Variants in HOXC4 observed in about 807,000 individuals in gnomAD.
HOXC4 encodes homeobox protein Hox-C4.
Under a neutral mutation model 25.5 loss-of-function variants are expected in HOXC4, and 15 were observed. The observed-to-expected ratio is 0.59, with a 90% CI of 0.39 to 0.91. HOXC4 has a LOEUF of 0.91. HOXC4 is among the 40% of genes least tolerant of loss of function. HOXC4 has a pLI of 0.00. For synonymous variants in HOXC4, 165 were observed against 148.0 expected, an observed-to-expected ratio of 1.11 and a Z score of -0.83; for missense variants, 342 against 352.4, an observed-to-expected ratio of 0.97 and a Z score of 0.24.
chr12:54,025,527 T>TGGG (rs999135770), intron 1 of HOXC4, among the ~76,000 whole-genome samples: 2 of 12,694 alleles, frequency 1.6e-4, no homozygotes, highest in South Asian at 5.4e-3. Context: ...GAAAGGTAAT[T>TGGG]GGGGGGGGGG....
intron 1 of HOXC4, chr12:54,020,582 C>T (rs1399280283): frequency 6.6e-6 from 1 of 152,158 alleles, no homozygotes; most frequent in Non-Finnish European, 1.5e-5. Flanking sequence ...CAGGCTTATG[C>T]ATGAATATAT....
intron 1 of HOXC4, among the ~76,000 whole-genome samples, chr12:54,026,485 T>G (rs1201472513): frequency 2.0e-5 from 3 of 152,186 alleles, no homozygotes; most frequent in Non-Finnish European, 4.4e-5. Context: ...AATTTAAAAA[T>G]CCTCCTCTAC....
chr12:54,017,126 C>T (rs1049192369), exon 1 of HOXC4: 1 of 152,168 alleles, frequency 6.6e-6, no homozygotes, highest in African/African-American at 2.4e-5. Context: ...CTCTGGCCCC[C>T]AAGGGGCAGG....
chr12:54,054,162 C>A lies in HOXC4; in HGVS notation c.240C>A (p.Gly80=). 6.2e-7 allele frequency: 1 copy of A among 1,613,886 alleles called. No homozygotes were observed. ...TCCAGGGGCCCGGCAATTCGCGAGG[C>A]CACGGGCCGGCCCAGGCGGGCCACC... is the stretch of plus-strand genomic sequence containing the variant. ...TSLQGPGNSR[G]HGPAQAGHHH... Residue 80 remains glycine (G), a synonymous_variant, in exon 1 of 2, where the codon GGC becomes GGA. Coordinates refer to ENST00000430889, the MANE Select transcript of HOXC4 (RefSeq NM_153633.3).
intron 1 of HOXC4, chr12:54,028,505 C>T (rs752847213): frequency 6.2e-7 from 1 of 1,608,856 alleles, no homozygotes; most frequent in Non-Finnish European, 8.5e-7. Context: ...ATAGACCGAC[C>T]AGGTAAAGGC....
intron 1 of HOXC4, chr12:54,028,904 G>A (rs1213353959): frequency 1.9e-6 from 3 of 1,610,596 alleles, no homozygotes; most frequent in Non-Finnish European, 2.5e-6. Flanking sequence ...TGGATGCAGC[G>A]AATGAATTCG....
intron 1 of HOXC4, chr12:54,034,543 G>GCGCCTTTCCTTTT (rs1941129763): frequency 2.0e-6 from 3 of 1,473,614 alleles, no homozygotes; most frequent in South Asian, 1.1e-5. Flanking sequence ...TCCTGTCCCT[G>GCGCCTTTCCTTTT]CGCCTTTCCT....
rs1272703353 is a variant in HOXC4 at position 54,046,234 on chromosome 12, T to C, written c.-123-6926T>C. ...GCAGCCCCGCTCTTATCGGCTGGGA[T>C]TGATGCCTCCGCGTCTCCTGTATAT... On this transcript the variant is annotated intron_variant, in intron 1 of 3. Coordinates refer to the HOXC4 transcript ENST00000303406. Among the ~76,000 whole-genome samples, 6 of 152,332 alleles carry C rather than the reference T, an allele frequency of 3.9e-5. No individual in the cohort carries two copies. In the East Asian group the frequency reaches 7.7e-4, roughly 20 times the overall value.
At chr12:54,029,554 C>G in intron 1 of HOXC4, 2 of 1,263,112 alleles carry the variant, frequency 1.6e-6, no homozygotes, top group Non-Finnish European at 2.2e-6. Context: ...AGGCTGTGAG[C>G]TGCTGGCCAG....
chr12:54,055,029 C>T lies in HOXC4; in HGVS notation c.619C>T (p.Arg207Cys). 1.2e-6 allele frequency: 2 copies of T among 1,613,982 alleles called. No individual in the cohort carries two copies. The highest frequency in any genetic ancestry group is 1.1e-5 in the South Asian group (1 of 91,068). ...ERQIKIWFQN[R>C]RMKWKKDHRL... Reference sequence around the variant, plus strand: ...GCAGATCAAAATCTGGTTCCAAAACCGTCGCATGAAATGGAAGAAGGACCA... The same window carrying T: ...GCAGATCAAAATCTGGTTCCAAAACTGTCGCATGAAATGGAAGAAGGACCA... Residue 207 changes from arginine (R) to cysteine (C), a missense_variant, in exon 2 of 2, where the codon CGT (arginine) becomes TGT (cysteine). Coordinates refer to ENST00000430889, the MANE Select transcript of HOXC4 (RefSeq NM_153633.3).
upstream of HOXC4, among the ~76,000 whole-genome samples, chr12:54,052,592 G>A (rs1040171653): frequency 6.7e-6 from 1 of 149,718 alleles, no homozygotes; most frequent in Non-Finnish European, 1.5e-5. Flanking sequence ...TGGTGGTTAG[G>A]AAAGCAGCTT....
At chr12:54,022,996 G>GGATA (rs1940517532) in intron 1 of HOXC4, among the ~76,000 whole-genome samples, 1 of 152,212 alleles carries the variant, frequency 6.6e-6, no homozygotes, top group South Asian at 2.1e-4. Flanking sequence ...AAAATATTCT[G>GGATA]GATATTCTGC....
intron 1 of HOXC4, among the ~76,000 whole-genome samples, chr12:54,031,840 G>GC (rs1195654490): frequency 1.3e-5 from 2 of 152,168 alleles, no homozygotes; most frequent in African/African-American, 4.8e-5. Flanking sequence ...CCCTGCGAAG[G>GC]CTACCCAGGC....
intron 1 of HOXC4, 122 bp downstream of exon 1, chr12:54,054,483 A>G: frequency 1.5e-6 from 1 of 655,266 alleles, no homozygotes; most frequent in Non-Finnish European, 2.6e-6. Flanking sequence ...TCCAGGAGCG[A>G]CTCTGGGTTA....
chr12:54,019,549 C>T (rs990033787), intron 1 of HOXC4, among the ~76,000 whole-genome samples: 2 of 152,178 alleles, frequency 1.3e-5, no homozygotes, highest in Non-Finnish European at 2.9e-5. Context: ...CGCCCCCGCC[C>T]CTGTGGATGG....
chr12:54,055,281 A>C lies in HOXC4; in HGVS notation c.*76A>C. 3.0e-6 allele frequency: 1 copy of C among 334,670 alleles called. No individual in the cohort carries two copies. Among genetic ancestry groups the C allele is most frequent in the Non-Finnish European group, 5.0e-6 (1 of 198,442 alleles). The allele number at this position is 334,670 out of a possible 1,614,324, so 20.7% of individuals were successfully genotyped here. A position where few individuals can be genotyped will look rare whatever the true frequency, so the allele number is the denominator to read the frequency against. ...ACACAAATTGACTCTTATTTATAGA[A>C]TTTAATATATATATATATATATATA... On this transcript the variant is annotated 3_prime_UTR_variant, in exon 2 of 2. Coordinates refer to ENST00000430889, the MANE Select transcript of HOXC4 (RefSeq NM_153633.3).
chr12:54,021,822 TCTG>T (rs1940462048), intron 1 of HOXC4: 1 of 152,378 alleles, frequency 6.6e-6, no homozygotes, highest in South Asian at 2.1e-4. Flanking sequence ...ACTTGTTTTG[TCTG>T]CTGCCACCCT....
chr12:54,023,470 T>C (rs1439464910), intron 1 of HOXC4, among the ~76,000 whole-genome samples: 1 of 152,176 alleles, frequency 6.6e-6, no homozygotes, highest in Non-Finnish European at 1.5e-5. Context: ...TATACCTTTC[T>C]TCTCCGTTTA....
chr12:54,034,004 G>T (rs1207818090), intron 1 of HOXC4: 2 of 638,614 alleles, frequency 3.1e-6, no homozygotes. Flanking sequence ...GGTGCTTATT[G>T]TTCGGTCCGA....
Sources: allele counts gnomAD v4.1 joint callset (sites outside exome capture counted in the v4.1 genomes callset), GRCh38; gene constraint gnomAD v4.1.1; transcripts MANE v1.5; gene names NCBI Gene and HGNC (gene_info 2026-07-23, HGNC 2026-07-21).